The following DHX57 variants were observed in gnomAD, a reference collection of about 807,000 sequenced individuals.
The protein encoded by DHX57 is putative ATP-dependent RNA helicase DHX57.
Under a neutral mutation model 156.2 loss-of-function variants are expected in DHX57, and 105 were observed. That is an observed-to-expected ratio of 0.67 (90% CI 0.57 to 0.79). The LOEUF (loss-of-function observed/expected upper bound fraction) is 0.79. Ranked by LOEUF, DHX57 falls within the 30% of genes least tolerant of loss-of-function variation. The probability of loss-of-function intolerance (pLI) is 0.00; values close to 1 mark genes in which losing one functional copy is unlikely to be tolerated. For missense variants in DHX57, 1,847 were observed against 1,661.9 expected (o/e 1.11, Z -1.94); for synonymous variants, 704 against 595.6 (o/e 1.18, Z -2.65).
intron 13 of DHX57, among the ~76,000 whole-genome samples, chr2:38,832,554 T>A (rs149134821): frequency 1.4e-4 from 17 of 123,334 alleles, no homozygotes; most frequent in Middle Eastern, 4.1e-3. Flanking sequence ...TATATATATT[T>A]TTTTTTTTAG....
At chr2:38,803,519 C>A (rs1348518256) in intron 22 of DHX57, among the ~76,000 whole-genome samples, 4 of 149,256 alleles carry the variant, frequency 2.7e-5, no homozygotes, top group Non-Finnish European at 1.5e-5. Context: ...CAGAGTTTTG[C>A]TCTTTTTGTC....
chr2:38,828,277 G>A, intron 14 of DHX57, 63 bp downstream of exon 14: 1 of 1,275,450 alleles, frequency 7.8e-7, no homozygotes. Context: ...TCTAAAGAGG[G>A]TGATGATATC....
intron 13 of DHX57, among the ~76,000 whole-genome samples, chr2:38,835,996 C>T (rs1671635551): frequency 6.6e-6 from 1 of 152,186 alleles, no homozygotes. Context: ...GAGATGAGTG[C>T]TTCTGAACCA....
chr2:38,817,241 TTGAGTAAAACA>T (rs1416937039), intron 19 of DHX57, among the ~76,000 whole-genome samples: 1 of 152,130 alleles, frequency 6.6e-6, no homozygotes, highest in African/African-American at 2.4e-5. Flanking sequence ...CCCAAAATCT[TTGAGTAAAACA>T]TGCTTTGCAA....
intron 19 of DHX57, among the ~76,000 whole-genome samples, chr2:38,817,943 A>G (rs777970574): frequency 4.6e-5 from 7 of 151,316 alleles, no homozygotes; most frequent in African/African-American, 7.3e-5. Flanking sequence ...AGCAATCGTC[A>G]GCCTCTCAAA....
At chr2:38,875,386 T>C (rs1010859) in intron 1 of DHX57, among the ~76,000 whole-genome samples, 39,526 of 152,058 alleles carry the variant, frequency 0.26, 5,437 homozygotes, top group Admixed American at 0.31. Context: ...TCCATCCAGA[T>C]ATCCAGATCT....
rs759902021 is a variant in DHX57 at position 38,862,314 on chromosome 2, C to T, written c.403G>A (p.Glu135Lys). 9.4e-6 allele frequency: 15 copies of T among 1,587,552 alleles called. No homozygotes were observed. The highest frequency in any genetic ancestry group is 3.4e-5 in the Admixed American group (2 of 58,250). ...AGSERGLSGE[E>K]EDDEPDCCND... ...CAGCAATCAGGCTCATCATCTTCCT[C>T]CTCCCCAGAAAGGCCTCTTCTAGCA... Residue 135 changes from glutamate (E) to lysine (K), a missense_variant, in exon 4 of 24, where the codon GAG becomes AAG. By Grantham distance (56) the Glu-to-Lys change is moderately conservative. Coordinates refer to ENST00000457308, the MANE Select transcript of DHX57 (RefSeq NM_198963.3).
At chr2:38,824,015 A>C (rs910132697) in intron 16 of DHX57, among the ~76,000 whole-genome samples, 22 of 149,014 alleles carry the variant, frequency 1.5e-4, no homozygotes, top group African/African-American at 4.2e-4. Flanking sequence ...TGTTTCCACA[A>C]AAAAAAAAAA....
chr2:38,874,130 C>T (rs1309297534), intron 1 of DHX57, among the ~76,000 whole-genome samples: 2 of 151,632 alleles, frequency 1.3e-5, no homozygotes, highest in Admixed American at 6.6e-5. Context: ...CTTGCTCTAT[C>T]ACCCAGGCTG....
At position 38,815,546 on chromosome 2, in the gene DHX57, C is replaced by G; in HGVS notation, c.3581G>C (p.Gly1194Ala). Residue 1194 changes from glycine to alanine, a missense_variant, in exon 20 of 24, where the codon GGT becomes GCT. Coordinates refer to ENST00000457308, the MANE Select transcript of DHX57 (RefSeq NM_198963.3). ...CTCTTCTCCTGTGGCATCTAAGACA[C>G]CATCTCCTCCTTGGGCCCTTTTCTC... is the stretch of plus-strand genomic sequence containing the variant. ...EIEKRAQGGD[G>A]VLDATGEEAN... 1 of 1,614,092 alleles carries G rather than the reference C, an allele frequency of 6.2e-7. No homozygotes were observed. The highest frequency in any genetic ancestry group is 2.2e-5 in the East Asian group (1 of 44,878).
intron 2 of DHX57, among the ~76,000 whole-genome samples, chr2:38,864,246 A>T (rs943708234): frequency 6.8e-5 from 2 of 29,212 alleles, no homozygotes; most frequent in African/African-American, 1.2e-4. Flanking sequence ...TCTGATTATT[A>T]AAAAAAAAAA....
At position 38,797,913 on chromosome 2, in the gene DHX57, A is replaced by T. The variant is rs575441155; in HGVS notation, c.*386T>A. On this transcript the variant is annotated 3_prime_UTR_variant, in exon 24 of 24. Coordinates refer to ENST00000457308, the MANE Select transcript of DHX57 (RefSeq NM_198963.3). ...GGCGACAGGAAAAGAAAAAAAAAAAAGGCGTATTTCTCTTCATGCCCCTCT... is the reference window on the plus strand; with the variant it reads ...GGCGACAGGAAAAGAAAAAAAAAAATGGCGTATTTCTCTTCATGCCCCTCT... The T allele has an allele frequency of 4.7e-4, 79 of 169,068 alleles. No homozygotes were observed. Among genetic ancestry groups the T allele is most frequent in the East Asian group, 1.1e-3 (6 of 5,256 alleles). The allele number at this position is 169,068 out of a possible 1,614,324, so 10.5% of individuals were successfully genotyped here. A position where few individuals can be genotyped will look rare whatever the true frequency, so the allele number is the denominator to read the frequency against.
intron 11 of DHX57, among the ~76,000 whole-genome samples, chr2:38,845,783 T>C (rs1031391320): frequency 6.6e-6 from 1 of 152,304 alleles, no homozygotes; most frequent in Admixed American, 6.5e-5. Flanking sequence ...GCACTTACAA[T>C]TGTTTATACA....
intron 10 of DHX57, 108 bp downstream of exon 10, chr2:38,848,161 G>A: frequency 1.7e-6 from 2 of 1,148,792 alleles, no homozygotes; most frequent in Non-Finnish European, 1.2e-6. Flanking sequence ...TGTTATAAAT[G>A]AATCGCTTCT....
At chr2:38,854,248 A>G (rs987996701) in intron 8 of DHX57, 70 bp from the exon 9 acceptor site, 2 of 1,498,674 alleles carry the variant, frequency 1.3e-6, no homozygotes, top group African/African-American at 1.4e-5. Context: ...CTGGAAAGCC[A>G]TTTTGAATGG....
intron 13 of DHX57, among the ~76,000 whole-genome samples, chr2:38,831,718 A>T (rs1219958681): frequency 6.6e-6 from 1 of 151,584 alleles, no homozygotes; most frequent in Non-Finnish European, 1.5e-5. Flanking sequence ...TTAGCCGGGC[A>T]TGGTGGCGTG....
rs761854021 is a variant in DHX57 at position 38,837,921 on chromosome 2, T to C, written c.2452A>G (p.Met818Val). The change falls in exon 13 of 24, where the codon ATG becomes GTG. Residue 818 changes from methionine (M) to valine (V), a missense_variant. Physicochemically the swap from Met to Val is conservative, Grantham distance 21. Transcript: ENST00000457308. ...KGVSKSVIKT[M>V]SIMDFEKVNL... Reference sequence around the variant, plus strand: ...ACCTTTTCAAAATCCATGATGGACATTGTTTTGATGACTGACTTGCTAACC... The same window carrying C: ...ACCTTTTCAAAATCCATGATGGACACTGTTTTGATGACTGACTTGCTAACC... 1.5e-5 allele frequency: 25 copies of C among 1,613,160 alleles called. No homozygotes were observed. Among genetic ancestry groups the C allele is most frequent in the East Asian group, 2.2e-5 (1 of 44,858 alleles).
chr2:38,862,264 A>G lies in DHX57; in HGVS notation c.453T>C (p.Ala151=), dbSNP rs1673271098. ...CGGGAACGAGGGAAGGTTCCTGTCCAGCTGGCCAGTACCGCTCATCGTTAC... is the reference window on the plus strand; with the variant it reads ...CGGGAACGAGGGAAGGTTCCTGTCCGGCTGGCCAGTACCGCTCATCGTTAC... ...DCCNDERYWP[A]GQEPSLVPDL... is the part of the protein sequence containing the mutation. Residue 151 remains alanine, a synonymous_variant, in exon 4 of 24, where the codon GCT becomes GCC. Transcript: ENST00000457308. The G allele has an allele frequency of 1.2e-6, 2 of 1,613,982 alleles. No homozygotes were observed. Among genetic ancestry groups the G allele is most frequent in the East Asian group, 2.2e-5 (1 of 44,888 alleles).
In DHX57 at chr2:38,803,740, C is replaced by T. The variant is rs764666003; in HGVS notation, c.3817-825G>A. ...CTGAACTCAGGTGATCTGCCTGCCT[C>T]GGCCTCCCAAAGTCCTGGGATTACA... On this transcript the variant is annotated intron_variant, in intron 22 of 23. Transcript: ENST00000457308. Among the ~76,000 whole-genome samples the T allele has an allele frequency of 5.3e-5, 8 of 151,016 alleles. No homozygotes were observed. In the East Asian group the frequency reaches 1.2e-3, roughly 22 times the overall value.
Sources: allele counts gnomAD v4.1 joint callset (sites outside exome capture counted in the v4.1 genomes callset), GRCh38; gene constraint gnomAD v4.1.1; transcripts MANE v1.5; gene names NCBI Gene and HGNC (gene_info 2026-07-23, HGNC 2026-07-21).